The following SLC9A5 variants were observed in gnomAD, a reference collection of about 807,000 sequenced individuals.
The protein encoded by SLC9A5 is solute carrier family 9 member A5, also known as sodium/hydrogen exchanger 5.
In SLC9A5, 52 loss-of-function variants were observed where a neutral mutation model predicts 91.7. The ratio of observed to expected loss-of-function variants is 0.57; its 90% confidence interval spans 0.45 to 0.71. The LOEUF is 0.71. SLC9A5 is among the 30% of genes least tolerant of loss of function. The pLI, the probability that SLC9A5 is intolerant of heterozygous loss-of-function variation, is 0.00. For missense variants in SLC9A5, 871 were observed against 1,158.9 expected (o/e 0.75, Z 3.61); for synonymous variants, 419 against 474.5 (o/e 0.88, Z 1.52).
chr16:67,264,087 T>C (rs1308720698), intron 12 of SLC9A5, among the ~76,000 whole-genome samples: 1 of 151,890 alleles, frequency 6.6e-6, no homozygotes, highest in Non-Finnish European at 1.5e-5. Context: ...CCAGAGAGAA[T>C]CGGGAAAGGA....
At position 67,255,718 on chromosome 16, in the gene SLC9A5, C is replaced by T. The variant is rs763399969; in HGVS notation, c.734-35C>T. The T allele has an allele frequency of 1.3e-6, 2 of 1,530,382 alleles. No individual in the cohort carries two copies. The highest frequency in any genetic ancestry group is 2.7e-5 in the African/African-American group (2 of 72,970). 94.8% of individuals were successfully genotyped at this position (1,530,382 alleles called of 1,614,324 possible). A position where few individuals can be genotyped will look rare whatever the true frequency, so the allele number is the denominator to read the frequency against. On this transcript the variant is annotated intron_variant, in intron 4 of 15. Coordinates refer to ENST00000299798, the MANE Select transcript of SLC9A5 (RefSeq NM_004594.3). This position sits in a 1 kb window ranked among gnomAD's most constrained non-coding sequence, Gnocchi z 4.9. ...CTTGTCAGCCCGGGTAGGGTCCGGGCCAGGGGTCATGCTGACAACCCACTC... is the reference window on the plus strand; with the variant it reads ...CTTGTCAGCCCGGGTAGGGTCCGGGTCAGGGGTCATGCTGACAACCCACTC...
chr16:67,249,049 C>A lies in SLC9A5; in HGVS notation c.35C>A (p.Pro12His). The A allele has an allele frequency of 6.6e-7, 1 of 1,505,336 alleles. No individual in the cohort carries two copies. Among genetic ancestry groups the A allele is most frequent in the Non-Finnish European group, 8.8e-7 (1 of 1,133,600 alleles). The allele number at this position is 1,505,336 out of a possible 1,614,324, so 93.2% of individuals were successfully genotyped here. A position where few individuals can be genotyped will look rare whatever the true frequency, so the allele number is the denominator to read the frequency against. Residue 12 changes from proline to histidine, a missense_variant, in exon 1 of 16, where the codon CCC becomes CAC. Around this residue, in one of 3 missense-constraint regions of SLC9A5, gnomAD observed 122 missense variants for 114.5 expected, o/e 1.07. Transcript: ENST00000299798. ...LRAALSLLAL[P>H]LAGAAEEPTQ... ...GCCGCCCTGTCCCTGCTCGCGCTGC[C>A]CCTGGCGGGGGCGGCCGAAGAGCCC...
In SLC9A5 at chr16:67,258,613, G is replaced by T. The variant is rs1322289508; in HGVS notation, c.1626+166G>T. Among the ~76,000 whole-genome samples the T allele has an allele frequency of 6.6e-6, 1 of 152,226 alleles. No homozygotes were observed. The highest frequency in any genetic ancestry group is 1.5e-5 in the Non-Finnish European group (1 of 68,040). On this transcript the variant is annotated intron_variant, in intron 10 of 15. Transcript: ENST00000299798. This position sits in a 1 kb window ranked among gnomAD's most constrained non-coding sequence, Gnocchi z 4.5. ...GCGGCAGGAAGCAGCTGGGTCTGGT[G>T]CTGACATTCAGAGTCTGGCAGGCAG...
rs1052950500 is a variant in SLC9A5 at position 67,257,603 on chromosome 16, T to C, written c.1496+2T>C. ...TGGCTACCACTACTGGAGGGACAGG[T>C]GAGGGAGCTGCCCCGAGGCTCCTTC... On this transcript the variant is annotated splice_donor_variant, in intron 9 of 15. Coordinates refer to ENST00000299798, the MANE Select transcript of SLC9A5 (RefSeq NM_004594.3). LOFTEE classifies it high-confidence loss of function. This position sits in a 1 kb window ranked among gnomAD's most constrained non-coding sequence, Gnocchi z 5.1. The C allele has an allele frequency of 2.5e-6, 4 of 1,613,394 alleles. No individual in the cohort carries two copies. The Admixed American group carries it at 5.0e-5, about 20-fold the overall frequency.
At chr16:67,269,843 G>T (rs188930159) in intron 15 of SLC9A5, among the ~76,000 whole-genome samples, 24 of 152,092 alleles carry the variant, frequency 1.6e-4, no homozygotes, top group Non-Finnish European at 4.4e-5. Flanking sequence ...ATTCAGCCCC[G>T]CCCCTGCAGT....
intron 15 of SLC9A5, among the ~76,000 whole-genome samples, chr16:67,266,756 G>A (rs2142383766): frequency 6.6e-6 from 1 of 151,620 alleles, no homozygotes; most frequent in Admixed American, 6.6e-5. Flanking sequence ...GGCCAGGCTG[G>A]TCTTGAACTC....
rs750768016 is a variant in SLC9A5, at chr16:67,270,760, C to T, written c.2241C>T (p.Ser747=). ...CAGGAAGCCTTGAGGTGTGCCCAAG[C>T]CCACGAATCATTCCCCCCTCCCCAA... is the stretch of plus-strand genomic sequence containing the variant. The part of the protein sequence containing the change: ...KVSGSLEVCP[S]PRIIPPSPTC... The change falls in exon 16 of 16, where the codon AGC becomes AGT. Residue 747 remains serine, a synonymous_variant. Coordinates refer to ENST00000299798, the MANE Select transcript of SLC9A5 (RefSeq NM_004594.3). The surrounding 1 kb of genome is among the most constrained non-coding windows in gnomAD (Gnocchi z 4.3). The T allele has an allele frequency of 6.2e-7, 1 of 1,610,462 alleles. No homozygotes were observed. The highest frequency in any genetic ancestry group is 8.5e-7 in the Non-Finnish European group (1 of 1,177,742).
chr16:67,257,809 G>A lies in SLC9A5; in HGVS notation c.1496+208G>A, dbSNP rs2142355890. On this transcript the variant is annotated intron_variant, in intron 9 of 15. Coordinates refer to ENST00000299798, the MANE Select transcript of SLC9A5 (RefSeq NM_004594.3). This position sits in a 1 kb window ranked among gnomAD's most constrained non-coding sequence, Gnocchi z 5.1. ...CTTGGCCCTGCATGGTTTGGCAACT[G>A]CCAGACTCCAGCCTCATCATGCTCT... is the stretch of plus-strand genomic sequence containing the variant. 6.6e-6 allele frequency among the ~76,000 whole-genome samples: 1 copy of A among 152,316 alleles called. No individual in the cohort carries two copies. Among genetic ancestry groups the A allele is most frequent in the South Asian group, 2.1e-4 (1 of 4,830 alleles).
chr16:67,260,248 G>C (rs1202374857), intron 12 of SLC9A5, among the ~76,000 whole-genome samples: 1 of 151,262 alleles, frequency 6.6e-6, no homozygotes, highest in African/African-American at 2.4e-5. Flanking sequence ...CCAGCTACTC[G>C]GGAGGCTGAA....
At chr16:67,269,728 G>C (rs867647811) in intron 15 of SLC9A5, among the ~76,000 whole-genome samples, 2 of 152,072 alleles carry the variant, frequency 1.3e-5, no homozygotes, top group Non-Finnish European at 1.5e-5. Flanking sequence ...GGACTTTATC[G>C]ATGAACAGAT....
chr16:67,250,532 CTG>C (rs753297248), intron 1 of SLC9A5, among the ~76,000 whole-genome samples: 11 of 152,150 alleles, frequency 7.2e-5, no homozygotes, highest in Admixed American at 1.3e-4. Context: ...ATAGCAAAAA[CTG>C]TAGTTTTCCC....
Position 67,265,746 on chromosome 16 carries a change from G to C in SLC9A5, c.2081-342G>C, listed in dbSNP as rs945017810. On this transcript the variant is annotated intron_variant, in intron 14 of 15. Transcript: ENST00000299798. ...CTGCAAAGCCAGTTTTGTATGAGCT[G>C]AATGTTAATGGGCCTTCCAGCAATC... Among the ~76,000 whole-genome samples, 9 of 152,174 alleles carry C rather than the reference G, an allele frequency of 5.9e-5. 1 individual carries two copies. Among genetic ancestry groups the C allele is most frequent in the Admixed American group, 5.2e-4 (8 of 15,276 alleles).
At chr16:67,266,845 C>A (rs916147380) in intron 15 of SLC9A5, among the ~76,000 whole-genome samples, 1 of 112,024 alleles carries the variant, frequency 8.9e-6, no homozygotes, top group Non-Finnish European at 1.7e-5. Context: ...CCGGCCTATT[C>A]TTTTCTTTTT....
intron 2 of SLC9A5, among the ~76,000 whole-genome samples, chr16:67,254,388 A>G (rs1278152829): frequency 1.3e-5 from 2 of 151,940 alleles, no homozygotes; most frequent in Non-Finnish European, 1.5e-5. Context: ...CTTTTTCCCT[A>G]TTTTATTTTA....
chr16:67,259,617 G>A lies in SLC9A5; in HGVS notation c.1671G>A (p.Met557Ile). The A allele has an allele frequency of 1.2e-6, 2 of 1,614,120 alleles. No homozygotes were observed. The highest frequency in any genetic ancestry group is 1.7e-6 in the Non-Finnish European group (2 of 1,180,034). Residue 557 changes from methionine to isoleucine, a missense_variant, in exon 11 of 16, where the codon ATG becomes ATA. Around this residue, in one of 3 missense-constraint regions of SLC9A5, gnomAD observed 454 missense variants for 718.3 expected, o/e 0.63. Transcript: ENST00000299798. ...CCACAGGTCTCACTCTGCCTTCTAT[G>A]CCCAGCCGCAATTCTGTGGCAGAAA... ...LSSTGLTLPS[M>I]PSRNSVAETS...
intron 15 of SLC9A5, among the ~76,000 whole-genome samples, chr16:67,269,696 C>G (rs1257341739): frequency 1.3e-5 from 2 of 152,184 alleles, no homozygotes; most frequent in African/African-American, 4.8e-5. Flanking sequence ...TGTACTCAAA[C>G]AGAAGCTTAT....
At position 67,271,042 on chromosome 16, in the gene SLC9A5, C is replaced by G. The variant is rs776141798; in HGVS notation, c.2523C>G (p.Phe841Leu). The G allele has an allele frequency of 6.2e-7, 1 of 1,612,200 alleles. No individual in the cohort carries two copies. Among genetic ancestry groups the G allele is most frequent in the African/African-American group, 1.3e-5 (1 of 74,892 alleles). The part of the protein sequence containing the change: ...LPSDPRSSFA[F>L]PPSLAKAGRS... ...CTGATCCACGCTCTAGCTTCGCCTT[C>G]CCACCGAGCCTGGCCAAGGCTGGCC... The change falls in exon 16 of 16, where the codon TTC becomes TTG. Residue 841 changes from phenylalanine to leucine, a missense_variant. By Grantham distance (22) the Phe-to-Leu change is conservative. Coordinates refer to ENST00000299798, the MANE Select transcript of SLC9A5 (RefSeq NM_004594.3).
chr16:67,256,309 C>T lies in SLC9A5; in HGVS notation c.912-160C>T, dbSNP rs1465479182. ...AAGCCTGGAGATCTGGACTCTTAGC[C>T]CAGCACTACCATTCAAGTCTTCAGG... On this transcript the variant is annotated intron_variant, in intron 5 of 15. Coordinates refer to ENST00000299798, the MANE Select transcript of SLC9A5 (RefSeq NM_004594.3). This position sits in a 1 kb window ranked among gnomAD's most constrained non-coding sequence, Gnocchi z 4.1. Among the ~76,000 whole-genome samples, 1 of 152,162 alleles carries T rather than the reference C, an allele frequency of 6.6e-6. No homozygotes were observed. The highest frequency in any genetic ancestry group is 1.5e-5 in the Non-Finnish European group (1 of 68,014).
rs1343609889 is a variant in SLC9A5, at chr16:67,271,381, C to A, written c.*171C>A. 2 of 622,736 alleles carry A rather than the reference C, an allele frequency of 3.2e-6. No homozygotes were observed. The highest frequency in any genetic ancestry group is 5.7e-6 in the Non-Finnish European group (2 of 353,026). The allele number at this position is 622,736 out of a possible 1,614,324, so 38.6% of individuals were successfully genotyped here. ...TCACCTAAGCTGGTCCTCACAGGGG[C>A]CTTTCTCACCACCTCCCTGCTCCTA... On this transcript the variant is annotated 3_prime_UTR_variant, in exon 16 of 16. Transcript: ENST00000299798.
Sources: gnomAD v4.1 joint callset for allele counts (sites outside exome capture counted in the v4.1 genomes callset) on GRCh38, gnomAD v4.1.1 for gene constraint, gnomAD v4.1.1 regional missense constraint, Gnocchi (gnomAD v3.1) non-coding constraint, MANE v1.5 for transcripts, NCBI Gene and HGNC (gene_info 2026-07-23, HGNC 2026-07-21) for gene names.